The following DCAF12 variants were observed in gnomAD, a reference collection of about 807,000 sequenced individuals.
DCAF12 encodes the protein DDB1- and CUL4-associated factor 12.
DCAF12 carries 28 observed loss-of-function variants against 52.8 expected under a neutral mutation model. The observed-to-expected ratio is 0.53, with a 90% CI of 0.39 to 0.73. DCAF12 has a LOEUF of 0.73. Ranked by LOEUF, DCAF12 falls within the 30% of genes least tolerant of loss-of-function variation. The pLI, the probability that DCAF12 is intolerant of heterozygous loss-of-function variation, is 0.00. For synonymous variants in DCAF12, 196 were observed against 215.5 expected (o/e 0.91, Z 0.79); for missense variants, 425 against 552.2 (o/e 0.77, Z 2.31).
chr9:34,097,855 C>A (rs1252050021), intron 5 of DCAF12, among the ~76,000 whole-genome samples: 1 of 151,602 alleles, frequency 6.6e-6, no homozygotes, highest in Non-Finnish European at 1.5e-5. Context: ...ATTGCTTGAA[C>A]CTGGAAGGTG....
chr9:34,092,327 A>T (rs903999472), intron 7 of DCAF12, among the ~76,000 whole-genome samples: 4 of 152,170 alleles, frequency 2.6e-5, no homozygotes, highest in African/African-American at 9.7e-5. Context: ...CCACCATGCC[A>T]CATCTTAGCA....
At chr9:34,124,949 A>AGCAGAGGTT in intron 2 of DCAF12, 74 bp downstream of exon 2, 1 of 1,554,716 alleles carries the variant, frequency 6.4e-7, no homozygotes, top group Non-Finnish European at 8.7e-7. Flanking sequence ...CGGGAAAACT[A>AGCAGAGGTT]GCAGAGGTTC....
At chr9:34,089,293 G>A (rs1326915890) in intron 8 of DCAF12, 119 bp downstream of exon 8, 6 of 1,164,504 alleles carry the variant, frequency 5.2e-6, no homozygotes, top group South Asian at 3.3e-5. Flanking sequence ...CTGTTCCAAT[G>A]AGTGCCTCTT....
chr9:34,124,341 T>C (rs1405148561), intron 2 of DCAF12, among the ~76,000 whole-genome samples: 2 of 152,226 alleles, frequency 1.3e-5, no homozygotes, highest in African/African-American at 4.8e-5. Flanking sequence ...GTGGACTCTA[T>C]TCCAAACGTT....
intron 2 of DCAF12, among the ~76,000 whole-genome samples, chr9:34,123,611 G>C (rs1361045106): frequency 6.6e-6 from 1 of 152,180 alleles, no homozygotes; most frequent in Non-Finnish European, 1.5e-5. Flanking sequence ...TAGGAAGACA[G>C]AAAGAGGTAG....
At position 34,124,989 on chromosome 9, in the gene DCAF12, C is replaced by A. The variant is rs200638541; in HGVS notation, c.333+34G>T. On this transcript the variant is annotated intron_variant, in intron 2 of 8. Transcript: ENST00000361264. ...GCAAGTGGAGCAATATATCCACGACCTAGGAGAGAGGTCACATCCCCCCAG... is the reference window on the plus strand; with the variant it reads ...GCAAGTGGAGCAATATATCCACGACATAGGAGAGAGGTCACATCCCCCCAG... 2,189 of 1,610,248 alleles carry A rather than the reference C, an allele frequency of 1.4e-3. 3 individuals are homozygous for A. Among genetic ancestry groups the A allele is most frequent in the Non-Finnish European group, 1.7e-3 (1,998 of 1,178,758 alleles).
At chr9:34,113,401 A>G (rs976943003) in intron 2 of DCAF12, among the ~76,000 whole-genome samples, 1 of 151,852 alleles carries the variant, frequency 6.6e-6, no homozygotes, top group Non-Finnish European at 1.5e-5. Flanking sequence ...CTGTCACCCA[A>G]GCTGGAATGC....
chr9:34,102,126 CA>C (rs1396520352), intron 4 of DCAF12, among the ~76,000 whole-genome samples: 1 of 150,394 alleles, frequency 6.6e-6, no homozygotes, highest in African/African-American at 2.4e-5. Context: ...CCTGTCTCTA[CA>C]AAAAATACAA....
rs75463073 is a variant in DCAF12, at chr9:34,100,676, T to C, written c.602-2159A>G. 1.5e-3 allele frequency among the ~76,000 whole-genome samples: 223 copies of C among 151,804 alleles called. 2 individuals carry two copies. In the East Asian group the frequency reaches 0.035, roughly 24 times the overall value. On this transcript the variant is annotated intron_variant, in intron 4 of 8. Transcript: ENST00000361264. Reference sequence around the variant, plus strand: ...CACCTGGCTAATTTTTGCATTTTTTTTTTTTTATAGACAGGGTTTTGTCAT... The same window carrying C: ...CACCTGGCTAATTTTTGCATTTTTTCTTTTTTATAGACAGGGTTTTGTCAT...
At chr9:34,089,629 G>T in intron 7 of DCAF12, 39 bp from the exon 8 acceptor site, 2 of 1,552,756 alleles carry the variant, frequency 1.3e-6, no homozygotes, top group South Asian at 1.2e-5. Flanking sequence ...AGGCGGGAGA[G>T]AATATTTGCT....
chr9:34,123,382 T>G (rs1031901345), intron 2 of DCAF12, among the ~76,000 whole-genome samples: 21 of 152,238 alleles, frequency 1.4e-4, no homozygotes, highest in Non-Finnish European at 2.9e-4. Flanking sequence ...ATTTCCCAGA[T>G]GCATGCAGAC....
chr9:34,105,252 C>CAAA (rs111302055), intron 4 of DCAF12, among the ~76,000 whole-genome samples: 1 of 122,840 alleles, frequency 8.1e-6, no homozygotes, highest in Non-Finnish European at 1.8e-5. Context: ...GACTCTGTCT[C>CAAA]AAAAAAAAAA....
chr9:34,119,700 C>T (rs1315562647), intron 2 of DCAF12, among the ~76,000 whole-genome samples: 2 of 123,726 alleles, frequency 1.6e-5, no homozygotes, highest in Non-Finnish European at 3.4e-5. Flanking sequence ...TGTACTTTTG[C>T]GGTTTTTTTT....
chr9:34,099,696 C>A (rs538294148), intron 4 of DCAF12, among the ~76,000 whole-genome samples: 1 of 151,704 alleles, frequency 6.6e-6, no homozygotes, highest in East Asian at 1.9e-4. Flanking sequence ...CGGGTTCAAG[C>A]GATTCTCCTG....
chr9:34,125,284 AAAC>A lies in DCAF12; in HGVS notation c.79-10_79-8del, dbSNP rs1829230919. ...GCGAGTGATCCCAGCCAAACTGTGG[AAAC>A]AACATTAGAAATCAGGGCTTTGGCT... is the stretch of plus-strand genomic sequence containing the variant. On this transcript the variant is annotated splice_polypyrimidine_tract_variant and splice_region_variant and intron_variant, in intron 1 of 8. Coordinates refer to ENST00000361264, the MANE Select transcript of DCAF12 (RefSeq NM_015397.4). 1.2e-6 allele frequency: 2 copies of A among 1,613,524 alleles called. No individual in the cohort carries two copies. Among genetic ancestry groups the A allele is most frequent in the African/African-American group, 1.3e-5 (1 of 74,976 alleles).
At chr9:34,097,054 C>T (rs1469603567) in intron 5 of DCAF12, among the ~76,000 whole-genome samples, 2 of 152,008 alleles carry the variant, frequency 1.3e-5, no homozygotes, top group African/African-American at 4.8e-5. Flanking sequence ...AGAGTTAAAG[C>T]AGGGCACATA....
chr9:34,108,800 A>AAAAAAAATAT (rs1376332913), intron 2 of DCAF12, among the ~76,000 whole-genome samples: 4 of 128,378 alleles, frequency 3.1e-5, no homozygotes, highest in Non-Finnish European at 7.0e-5. Flanking sequence ...TCTCAAAAAA[A>AAAAAAAATAT]ATAAATAAAT....
At chr9:34,117,439 C>T (rs548830871) in intron 2 of DCAF12, among the ~76,000 whole-genome samples, 2 of 152,014 alleles carry the variant, frequency 1.3e-5, no homozygotes, top group Admixed American at 6.6e-5. Flanking sequence ...TGTGAGCCAC[C>T]GCGCCCGGCC....
rs369725391 is a variant in DCAF12 at position 34,089,096 on chromosome 9, G to C, written c.1203+316C>G. ...CCACTACACTCCAGCCTGGGCAACA[G>C]AGTGACCCTGTCTCAAAAAAAAAAA... On this transcript the variant is annotated intron_variant, in intron 8 of 8. Transcript: ENST00000361264. 2.1e-5 allele frequency among the ~76,000 whole-genome samples: 3 copies of C among 142,038 alleles called. No individual in the cohort carries two copies. The Admixed American group carries it at 2.2e-4, about 10-fold the overall frequency. 93.2% of individuals were successfully genotyped at this position (142,038 alleles called of 152,430 possible).
Sources: allele counts gnomAD v4.1 joint callset (sites outside exome capture counted in the v4.1 genomes callset), GRCh38; gene constraint gnomAD v4.1.1; transcripts MANE v1.5; gene names NCBI Gene and HGNC (gene_info 2026-07-23, HGNC 2026-07-21).